The following UBE2N variants were observed in gnomAD, a reference collection of about 807,000 sequenced individuals.
UBE2N encodes the protein ubiquitin conjugating enzyme E2 N, also known as ubiquitin-conjugating enzyme E2 N.
For missense variants in UBE2N, 60 were observed against 192.1 expected, an observed-to-expected ratio of 0.31 and a Z score of 4.07; for synonymous variants, 70 against 69.2, an observed-to-expected ratio of 1.01 and a Z score of -0.06.
At chr12:93,439,595 T>C (rs985213615) in intron 1 of UBE2N, among the ~76,000 whole-genome samples, 5 of 152,148 alleles carry the variant, frequency 3.3e-5, no homozygotes, top group Admixed American at 2.0e-4. Context: ...GTTACCCCCA[T>C]CCACCACACA....
At chr12:93,424,114 A>G (rs1174278728) in intron 1 of UBE2N, among the ~76,000 whole-genome samples, 1 of 152,136 alleles carries the variant, frequency 6.6e-6, no homozygotes. Flanking sequence ...ATATGTTTAC[A>G]TTTTTTCACT....
At chr12:93,432,933 G>GTTTTTTTTT (rs71071735) in intron 1 of UBE2N, among the ~76,000 whole-genome samples, 1 of 132,650 alleles carries the variant, frequency 7.5e-6, no homozygotes. Context: ...CTTCATTCAG[G>GTTTTTTTTT]TTTTTTTTTT....
chr12:93,428,250 A>G (rs1038574213), intron 1 of UBE2N, among the ~76,000 whole-genome samples: 31 of 152,196 alleles, frequency 2.0e-4, no homozygotes, highest in African/African-American at 7.5e-4. Context: ...ATATATATTC[A>G]TGGACTACAC....
chr12:93,428,386 G>A (rs868586101), intron 1 of UBE2N, among the ~76,000 whole-genome samples: 1 of 152,110 alleles, frequency 6.6e-6, no homozygotes, highest in Non-Finnish European at 1.5e-5. Context: ...CTGGTATGTC[G>A]ACATTCTACT....
In UBE2N at chr12:93,408,586, A is replaced by C. The variant is rs1251100883; in HGVS notation, c.*1453T>G. ...GACTGGCTACATTTATGACTTAAAA[A>C]TAACAAGAATCAGGAATTAGATATG... On this transcript the variant is annotated 3_prime_UTR_variant, in exon 4 of 4. Coordinates refer to ENST00000318066, the MANE Select transcript of UBE2N (RefSeq NM_003348.4). The C allele has an allele frequency of 6.6e-6, 1 of 152,244 alleles. No homozygotes were observed. The highest frequency in any genetic ancestry group is 1.5e-5 in the Non-Finnish European group (1 of 68,040). 9.4% of individuals were successfully genotyped at this position (152,244 alleles called of 1,614,324 possible).
At chr12:93,423,570 C>A (rs1434730129) in intron 1 of UBE2N, among the ~76,000 whole-genome samples, 1 of 152,122 alleles carries the variant, frequency 6.6e-6, no homozygotes, top group Non-Finnish European at 1.5e-5. Flanking sequence ...GTGTACCTAG[C>A]GTGGGGAGGG....
chr12:93,438,371 A>C (rs1244492302), intron 1 of UBE2N, among the ~76,000 whole-genome samples: 3 of 152,200 alleles, frequency 2.0e-5, no homozygotes, highest in Non-Finnish European at 2.9e-5. Flanking sequence ...AGGGTATGAC[A>C]TATGAGCTAA....
At chr12:93,417,335 A>G (rs946844847) in intron 1 of UBE2N, among the ~76,000 whole-genome samples, 2 of 152,256 alleles carry the variant, frequency 1.3e-5, no homozygotes, top group Non-Finnish European at 2.9e-5. Flanking sequence ...AACAACTGAC[A>G]TTCTGTCAAC....
intron 1 of UBE2N, among the ~76,000 whole-genome samples, chr12:93,421,348 C>G (rs567734796): frequency 2.8e-4 from 42 of 152,206 alleles, no homozygotes; most frequent in Admixed American, 2.7e-3. Flanking sequence ...ACTACAGGCA[C>G]CCACCACCTC....
At position 93,408,942 on chromosome 12, in the gene UBE2N, C is replaced by A. The variant is rs1396301649; in HGVS notation, c.*1097G>T. The A allele has an allele frequency of 6.6e-6, 1 of 152,606 alleles. No homozygotes were observed. Among genetic ancestry groups the A allele is most frequent in the Non-Finnish European group, 1.5e-5 (1 of 68,028 alleles). The allele number at this position is 152,606 out of a possible 1,614,324, so 9.5% of individuals were successfully genotyped here. On this transcript the variant is annotated 3_prime_UTR_variant, in exon 4 of 4. Coordinates refer to ENST00000318066, the MANE Select transcript of UBE2N (RefSeq NM_003348.4). ...ATAAGAACCAAGAAAAATGTCATAA[C>A]CCAAATTTTAGGCAAAAATGTGGCA...
intron 1 of UBE2N, chr12:93,424,374 G>A (rs1231744387): frequency 6.6e-6 from 1 of 152,164 alleles, no homozygotes; most frequent in Non-Finnish European, 1.5e-5. Context: ...AGAACAGATG[G>A]AAGCAGAGCA....
rs1877907830 is a variant in UBE2N, at chr12:93,407,972, G to T, written c.*2067C>A. 6.6e-6 allele frequency: 1 copy of T among 152,194 alleles called. No individual in the cohort carries two copies. The highest frequency in any genetic ancestry group is 1.5e-5 in the Non-Finnish European group (1 of 68,036). 9.4% of individuals were successfully genotyped at this position (152,194 alleles called of 1,614,324 possible). A position where few individuals can be genotyped will look rare whatever the true frequency, so the allele number is the denominator to read the frequency against. On this transcript the variant is annotated 3_prime_UTR_variant, in exon 4 of 4. Transcript: ENST00000318066. ...AATTCACTGCATTTGAAATGAAAAT[G>T]ACTTATTTCTGTACTTCTATAACTC...
chr12:93,412,101 T>C (rs980752117), intron 1 of UBE2N, among the ~76,000 whole-genome samples: 1 of 152,180 alleles, frequency 6.6e-6, no homozygotes, highest in South Asian at 2.1e-4. Context: ...AAGAAATATA[T>C]TTAACAATGC....
chr12:93,419,216 C>A (rs1049042426), intron 1 of UBE2N, among the ~76,000 whole-genome samples: 2 of 152,060 alleles, frequency 1.3e-5, no homozygotes, highest in African/African-American at 4.8e-5. Context: ...CATGGAGAAA[C>A]CCTGTCTCTA....
chr12:93,421,283 G>C (rs1878403038), intron 1 of UBE2N, among the ~76,000 whole-genome samples: 1 of 151,714 alleles, frequency 6.6e-6, no homozygotes, highest in Non-Finnish European at 1.5e-5. Flanking sequence ...CTCACTGCAA[G>C]CTCCACCTCC....
At chr12:93,428,110 G>A (rs1878648263) in intron 1 of UBE2N, among the ~76,000 whole-genome samples, 1 of 151,968 alleles carries the variant, frequency 6.6e-6, no homozygotes, top group Non-Finnish European at 1.5e-5. Flanking sequence ...TGTAGACATG[G>A]GGCTTCTTCA....
At chr12:93,418,085 T>A (rs1206803488) in intron 1 of UBE2N, among the ~76,000 whole-genome samples, 2 of 152,070 alleles carry the variant, frequency 1.3e-5, no homozygotes, top group African/African-American at 4.8e-5. Context: ...CGCCCTGGCC[T>A]CCCAAAGCAA....
At chr12:93,413,716 T>C (rs373686784) in intron 1 of UBE2N, among the ~76,000 whole-genome samples, 27 of 152,306 alleles carry the variant, frequency 1.8e-4, no homozygotes, top group Non-Finnish European at 3.4e-4. Context: ...CTACTCATGA[T>C]TGGACTGTTT....
At chr12:93,421,611 A>G (rs117864740) in intron 1 of UBE2N, among the ~76,000 whole-genome samples, 3,407 of 152,294 alleles carry the variant, frequency 0.022, 68 homozygotes, top group Admixed American at 0.04. Flanking sequence ...GAAAAAGGTA[A>G]ATTTAAGCCA....
Sources: allele counts gnomAD v4.1 joint callset (sites outside exome capture counted in the v4.1 genomes callset), GRCh38; gene constraint gnomAD v4.1.1; transcripts MANE v1.5; gene names NCBI Gene and HGNC (gene_info 2026-07-23, HGNC 2026-07-21).